Variants in BMPR2 observed in about 807,000 individuals in gnomAD.
BMPR2 encodes the protein bone morphogenetic protein receptor type 2, also known as bone morphogenetic protein receptor type-2.
BMPR2 carries 29 observed loss-of-function variants against 100.8 expected under a neutral mutation model. The ratio of observed to expected loss-of-function variants is 0.29; its 90% CI spans 0.21 to 0.39. BMPR2 has a LOEUF of 0.39. BMPR2 is among the 10% of genes least tolerant of loss of function. The probability of loss-of-function intolerance (pLI) is 1.00; values close to 1 mark genes in which losing one functional copy is unlikely to be tolerated. For synonymous variants in BMPR2, 382 were observed against 442.3 expected, an observed-to-expected ratio of 0.86 and a Z score of 1.71; for missense variants, 1,011 against 1,274.5, an observed-to-expected ratio of 0.79 and a Z score of 3.15.
chr2:202,449,027 G>T (rs1401824320), intron 1 of BMPR2, among the ~76,000 whole-genome samples: 1 of 150,392 alleles, frequency 6.6e-6, no homozygotes, highest in Non-Finnish European at 1.5e-5. Flanking sequence ...AGTTAAAATA[G>T]CAGGCCTGGG....
intron 1 of BMPR2, among the ~76,000 whole-genome samples, chr2:202,384,426 G>A (rs965369900): frequency 6.6e-6 from 1 of 152,168 alleles, no homozygotes; most frequent in Admixed American, 6.5e-5. Context: ...AATTTTAGAT[G>A]GAGTTAGGTA....
chr2:202,419,108 GA>G (rs1691202424), intron 1 of BMPR2, among the ~76,000 whole-genome samples: 1 of 152,142 alleles, frequency 6.6e-6, no homozygotes, highest in Non-Finnish European at 1.5e-5. Context: ...TTGAGGAGAA[GA>G]AAAAGGTCAG....
At chr2:202,419,978 G>C (rs6732066) in intron 1 of BMPR2, among the ~76,000 whole-genome samples, 1 of 151,776 alleles carries the variant, frequency 6.6e-6, no homozygotes, top group South Asian at 2.1e-4. Context: ...GTGAGACCTC[G>C]TATCTATTTT....
chr2:202,469,901 T>G (rs1404356775), intron 3 of BMPR2, among the ~76,000 whole-genome samples: 2 of 152,124 alleles, frequency 1.3e-5, no homozygotes, highest in African/African-American at 2.4e-5. Flanking sequence ...ATAAGCACAG[T>G]ATTTGACTAT....
intron 7 of BMPR2, among the ~76,000 whole-genome samples, chr2:202,530,450 A>T (rs1208055089): frequency 6.6e-6 from 1 of 151,762 alleles, no homozygotes; most frequent in African/African-American, 2.4e-5. Flanking sequence ...TTAGACAAGC[A>T]GACTTTTTTT....
At position 202,514,987 on chromosome 2, in the gene BMPR2, T is replaced by C. The variant is rs117575598; in HGVS notation, c.621+8T>C. The C allele has an allele frequency of 3.4e-4, 549 of 1,612,894 alleles. 3 individuals carry two copies. The East Asian group carries it at 0.012, about 34-fold the overall frequency. On this transcript the variant is annotated splice_region_variant and intron_variant, in intron 5 of 12. Transcript: ENST00000374580. The stretch of plus-strand genomic sequence containing the variant: ...AATCTGAAACTGTTGGAGGTAAGTT[T>C]GCCGTTAGATTATGGACTGTTGTTT...
At chr2:202,509,781 T>A (rs1477180978) in intron 3 of BMPR2, among the ~76,000 whole-genome samples, 8 of 152,014 alleles carry the variant, frequency 5.3e-5, no homozygotes, top group Admixed American at 3.3e-4. Flanking sequence ...ATTAGATTTT[T>A]AAAAAATAAA....
chr2:202,469,458 G>T, intron 3 of BMPR2: 1 of 290,806 alleles, frequency 3.4e-6, no homozygotes, highest in Non-Finnish European at 6.9e-6. Context: ...TGAAATAAAT[G>T]AACCCAATTT....
intron 7 of BMPR2, chr2:202,520,566 G>A (rs1687801987): frequency 3.3e-6 from 1 of 298,660 alleles, no homozygotes; most frequent in East Asian, 9.0e-5. Flanking sequence ...AAGCGGACAA[G>A]CACCAACCCT....
chr2:202,535,822 T>C (rs886195232), intron 9 of BMPR2, among the ~76,000 whole-genome samples: 6 of 152,330 alleles, frequency 3.9e-5, no homozygotes, highest in African/African-American at 1.2e-4. Context: ...CGAGACTCCG[T>C]CTGCAATCCC....
At chr2:202,378,964 C>T (rs905311500) in intron 1 of BMPR2, among the ~76,000 whole-genome samples, 1 of 151,988 alleles carries the variant, frequency 6.6e-6, no homozygotes, top group East Asian at 1.9e-4. Flanking sequence ...TTTATGATGA[C>T]GTGCTCATAA....
intron 1 of BMPR2, among the ~76,000 whole-genome samples, chr2:202,424,011 T>G (rs1430461804): frequency 1.4e-5 from 2 of 143,436 alleles, no homozygotes; most frequent in Non-Finnish European, 3.0e-5. Flanking sequence ...AGGCGGAGGT[T>G]GCAGTGAGAC....
At chr2:202,381,369 C>T (rs1032887489) in intron 1 of BMPR2, among the ~76,000 whole-genome samples, 14 of 152,150 alleles carry the variant, frequency 9.2e-5, no homozygotes, top group African/African-American at 3.4e-4. Flanking sequence ...ATTTATTCTG[C>T]TCCATGTGTC....
chr2:202,407,393 T>C (rs1690922662), intron 1 of BMPR2, among the ~76,000 whole-genome samples: 1 of 152,194 alleles, frequency 6.6e-6, no homozygotes, highest in Non-Finnish European at 1.5e-5. Flanking sequence ...TCAGCTGTTA[T>C]TCTTCATGCG....
intron 1 of BMPR2, among the ~76,000 whole-genome samples, chr2:202,464,397 A>G (rs1274346538): frequency 6.6e-6 from 1 of 152,130 alleles, no homozygotes; most frequent in Non-Finnish European, 1.5e-5. Context: ...ACTTTGTATA[A>G]CTGACTATAA....
At chr2:202,388,687 C>G (rs10175006) in intron 1 of BMPR2, among the ~76,000 whole-genome samples, 3 of 151,050 alleles carry the variant, frequency 2.0e-5, no homozygotes, top group Non-Finnish European at 4.4e-5. Context: ...ACTCAGGAGG[C>G]TGAGGCAGAA....
At chr2:202,483,439 T>G (rs1692702232) in intron 3 of BMPR2, among the ~76,000 whole-genome samples, 1 of 151,716 alleles carries the variant, frequency 6.6e-6, no homozygotes, top group African/African-American at 2.4e-5. Flanking sequence ...TGGAGTGCAA[T>G]GGTGTCATCT....
chr2:202,395,134 G>A lies in BMPR2; in HGVS notation c.76+17584G>A, dbSNP rs533387435. On this transcript the variant is annotated intron_variant, in intron 1 of 12. Coordinates refer to ENST00000374580, the MANE Select transcript of BMPR2 (RefSeq NM_001204.7). The stretch of plus-strand genomic sequence containing the variant: ...CCTGATCTCGTGGTTCACCCGCCTC[G>A]GCCTCCCAAAGTGCTGGGATTACAG... Among the ~76,000 whole-genome samples, 138 of 151,420 alleles carry A rather than the reference G, an allele frequency of 9.1e-4. 1 individual carries two copies. Among genetic ancestry groups the A allele is most frequent in the African/African-American group, 3.2e-3 (130 of 41,206 alleles).
intron 5 of BMPR2, 107 bp downstream of exon 5, chr2:202,515,086 T>G: frequency 8.6e-7 from 1 of 1,166,294 alleles, no homozygotes; most frequent in Non-Finnish European, 1.3e-6. Context: ...TTAACCCTAT[T>G]TACTAAATTA....
Sources: gnomAD v4.1 joint callset for allele counts (sites outside exome capture counted in the v4.1 genomes callset) on GRCh38, gnomAD v4.1.1 for gene constraint, MANE v1.5 for transcripts, NCBI Gene and HGNC (gene_info 2026-07-23, HGNC 2026-07-21) for gene names.